The following FAM186B variants were observed in gnomAD, a reference collection of about 807,000 sequenced individuals.
FAM186B encodes protein FAM186B.
A neutral mutation model predicts 83.4 loss-of-function variants in FAM186B; 68 were observed. That is an observed-to-expected ratio of 0.81 (90% CI 0.67 to 1.00). The LOEUF is 1.00. Ranked by LOEUF, FAM186B falls within the 50% of genes least tolerant of loss-of-function variation. FAM186B has a pLI of 0.00. For missense variants in FAM186B, 983 were observed against 1,099.2 expected (o/e 0.89, Z 1.49); for synonymous variants, 389 against 422.0 (o/e 0.92, Z 0.96).
chr12:49,588,680 C>A (rs914697082), intron 5 of FAM186B, 57 bp from the exon 6 acceptor site: 2 of 1,497,610 alleles, frequency 1.3e-6, no homozygotes, highest in South Asian at 1.3e-5. Context: ...CTCTCTAGGT[C>A]GTGAGGAGGC....
the FAM186B span, among the ~76,000 whole-genome samples, chr12:49,613,960 C>A: frequency 1.3e-5 from 2 of 151,858 alleles, no homozygotes; most frequent in African/African-American, 4.8e-5. Context: ...ACCAGCCTGG[C>A]CAACATGGTG....
In FAM186B at chr12:49,591,134, G is replaced by A. The variant is rs1939571586; in HGVS notation, c.2365-2511C>T. Among the ~76,000 whole-genome samples the A allele has an allele frequency of 2.0e-5, 3 of 152,152 alleles. No individual in the cohort carries two copies. In the South Asian group the frequency reaches 6.2e-4, roughly 31 times the overall value. On this transcript the variant is annotated intron_variant, in intron 5 of 6. Coordinates refer to ENST00000257894, the MANE Select transcript of FAM186B (RefSeq NM_032130.3). The stretch of plus-strand genomic sequence containing the variant: ...ATGTCCAGGCCCCAGCACAGGGCAG[G>A]GAACCCAAACAGAAGCCAGCAGCCT...
At position 49,598,918 on chromosome 12, in the gene FAM186B, ATGATTTGTACATGGT is replaced by A. The variant is rs1565809273; in HGVS notation, c.2186_2200del (p.Asn729_Ile733del). On this transcript the variant is annotated inframe_deletion, in exon 5 of 7. Coordinates refer to ENST00000257894, the MANE Select transcript of FAM186B (RefSeq NM_032130.3). Reference sequence around the variant, plus strand: ...CTTGTAGGAAGCCTCCGTTTCTTTCATGATTTGTACATGGTTGATCGCTTCTTGCCTGGGAAAAGA... The same window carrying A: ...CTTGTAGGAAGCCTCCGTTTCTTTCATGATCGCTTCTTGCCTGGGAAAAGA... The A allele has an allele frequency of 1.9e-6, 3 of 1,613,648 alleles. No homozygotes were observed. Among genetic ancestry groups the A allele is most frequent in the Middle Eastern group, 1.6e-4 (1 of 6,084 alleles).
At chr12:49,595,182 T>C (rs1205774895) in intron 5 of FAM186B, 1 of 513,886 alleles carries the variant, frequency 1.9e-6, no homozygotes, top group East Asian at 4.8e-5. Context: ...GAGACGGTCA[T>C]CCTGTAGATG....
intron 5 of FAM186B, among the ~76,000 whole-genome samples, chr12:49,594,828 T>C (rs1424799842): frequency 4.0e-5 from 6 of 149,522 alleles, no homozygotes; most frequent in Non-Finnish European, 7.4e-5. Flanking sequence ...TGAGCCAAGA[T>C]AGCACAACTG....
At chr12:49,597,662 T>TA (rs1939761124) in intron 5 of FAM186B, among the ~76,000 whole-genome samples, 1 of 152,244 alleles carries the variant, frequency 6.6e-6, no homozygotes, top group Non-Finnish European at 1.5e-5. Flanking sequence ...ATGGATATGT[T>TA]AATTTGTTTT....
At chr12:49,592,620 C>A (rs1939606746) in intron 5 of FAM186B, among the ~76,000 whole-genome samples, 1 of 151,928 alleles carries the variant, frequency 6.6e-6, no homozygotes. Flanking sequence ...CGTGTCTCTA[C>A]TAAAAATACA....
intron 5 of FAM186B, chr12:49,595,234 G>T: frequency 1.5e-6 from 1 of 657,008 alleles, no homozygotes; most frequent in Non-Finnish European, 2.7e-6. Context: ...TGCAGGTCTG[G>T]CTGGAAAAGA....
chr12:49,620,280 T>TGTTTTGGA, the FAM186B span, among the ~76,000 whole-genome samples: 198 of 152,304 alleles, frequency 1.3e-3, no homozygotes, highest in African/African-American at 4.5e-3. Context: ...GAATCTTGCA[T>TGTTTTGGA]GTTTTGGATG....
At chr12:49,593,189 A>C (rs944246177) in intron 5 of FAM186B, 2 of 152,252 alleles carry the variant, frequency 1.3e-5, no homozygotes, top group African/African-American at 4.8e-5. Flanking sequence ...ATGACACACA[A>C]ATTCATGAAG....
At chr12:49,619,814 A>G in the FAM186B span, among the ~76,000 whole-genome samples, 1 of 151,322 alleles carries the variant, frequency 6.6e-6, no homozygotes, top group African/African-American at 2.4e-5. Flanking sequence ...AGCTAGGATT[A>G]CAGGTGATCG....
the FAM186B span, among the ~76,000 whole-genome samples, chr12:49,622,160 G>A: frequency 6.6e-6 from 1 of 152,220 alleles, no homozygotes; most frequent in Admixed American, 6.5e-5. Context: ...GCAGCCCCCG[G>A]GGGAAGGTGG....
chr12:49,618,333 G>T, the FAM186B span, among the ~76,000 whole-genome samples: 2 of 150,632 alleles, frequency 1.3e-5, no homozygotes, highest in Non-Finnish European at 3.0e-5. Context: ...GACAGAGTGA[G>T]ACTCCGTCTG....
intron 5 of FAM186B, among the ~76,000 whole-genome samples, chr12:49,591,295 T>C (rs915301716): frequency 1.3e-5 from 2 of 152,170 alleles, no homozygotes; most frequent in African/African-American, 4.8e-5. Flanking sequence ...GTTAAGTCTC[T>C]GTGCAGGCCT....
Position 49,588,621 on chromosome 12 carries a change from G to C in FAM186B, c.2367C>G (p.Leu789=). The change falls in exon 6 of 7, where the codon CTC becomes CTG. Residue 789 remains leucine (L), a splice_region_variant and synonymous_variant. Transcript: ENST00000257894. ...TCAGGTGAACGTTCCACTCCAGCTGGAGCTAGAGGAACCAGCAGAGAGGCA... is the reference window on the plus strand; with the variant it reads ...TCAGGTGAACGTTCCACTCCAGCTGCAGCTAGAGGAACCAGCAGAGAGGCA... ...LSSMVTMFPK[L]QLEWNVHLNI... is the part of the protein sequence containing the mutation. 1 of 1,572,946 alleles carries C rather than the reference G, an allele frequency of 6.4e-7. No individual in the cohort carries two copies. Among genetic ancestry groups the C allele is most frequent in the Non-Finnish European group, 8.7e-7 (1 of 1,154,160 alleles).
At chr12:49,585,164 G>A (rs1450396943), downstream of FAM186B, among the ~76,000 whole-genome samples, 2 of 152,016 alleles carry the variant, frequency 1.3e-5, no homozygotes, top group South Asian at 2.1e-4. Context: ...GACTACAGGC[G>A]CCCGCCACCA....
upstream of FAM186B, among the ~76,000 whole-genome samples, chr12:49,606,865 A>C (rs1940034254): frequency 6.6e-6 from 1 of 152,210 alleles, no homozygotes; most frequent in South Asian, 2.1e-4. Flanking sequence ...TATAAACCAT[A>C]ATTTGGGCCA....
chr12:49,597,136 G>A (rs1939746135), intron 5 of FAM186B, among the ~76,000 whole-genome samples: 1 of 152,208 alleles, frequency 6.6e-6, no homozygotes, highest in South Asian at 2.1e-4. Flanking sequence ...TAGTCTAGGT[G>A]TGTAGCAGGC....
At chr12:49,583,174 A>C, downstream of FAM186B, 1 of 430,544 alleles carries the variant, frequency 2.3e-6, no homozygotes, top group Non-Finnish European at 4.7e-6. Context: ...ATGTATGAAT[A>C]GTATGAAATC....
Sources: gnomAD v4.1 joint callset for allele counts (sites outside exome capture counted in the v4.1 genomes callset) on GRCh38, gnomAD v4.1.1 for gene constraint, MANE v1.5 for transcripts, NCBI Gene and HGNC (gene_info 2026-07-23, HGNC 2026-07-21) for gene names.